Variants in MAML3 observed in about 807,000 individuals in gnomAD.
MAML3 encodes the protein mastermind-like protein 3.
A neutral mutation model predicts 101.9 loss-of-function variants in MAML3; 27 were observed. The observed-to-expected ratio is 0.27, with a 90% CI of 0.20 to 0.37. The LOEUF (loss-of-function observed/expected upper bound fraction) is 0.37. Ranked by LOEUF, MAML3 falls within the 10% of genes least tolerant of loss-of-function variation. The pLI is 1.00. For synonymous variants in MAML3, 501 were observed against 555.9 expected (o/e 0.90, Z 1.39); for missense variants, 1,316 against 1,444.9 (o/e 0.91, Z 1.45).
chr4:139,981,279 C>G lies in MAML3; in HGVS notation c.469-90312G>C, dbSNP rs530815396. 2.0e-4 allele frequency among the ~76,000 whole-genome samples: 30 copies of G among 152,320 alleles called. No individual in the cohort carries two copies. The South Asian group carries it at 4.3e-3, about 22-fold the overall frequency. The stretch of plus-strand genomic sequence containing the variant: ...CTTTTAAGGACACCAGACATATTGG[C>G]TTAGCGCCCTACCCCAATGGCCTCA... On this transcript the variant is annotated intron_variant, in intron 1 of 4. Coordinates refer to ENST00000509479, the MANE Select transcript of MAML3 (RefSeq NM_018717.5).
chr4:139,719,041 C>T lies in MAML3; in HGVS notation c.*282G>A, dbSNP rs1728111382. The T allele has an allele frequency of 2.5e-6, 1 of 401,622 alleles. No homozygotes were observed. Among genetic ancestry groups the T allele is most frequent in the Non-Finnish European group, 4.4e-6 (1 of 224,864 alleles). The allele number at this position is 401,622 out of a possible 1,614,324, so 24.9% of individuals were successfully genotyped here. A position where few individuals can be genotyped will look rare whatever the true frequency, so the allele number is the denominator to read the frequency against. On this transcript the variant is annotated 3_prime_UTR_variant, in exon 5 of 5. Coordinates refer to ENST00000509479, the MANE Select transcript of MAML3 (RefSeq NM_018717.5). The stretch of plus-strand genomic sequence containing the variant: ...TCACAGGGCATGCTGGGCAGAGGGG[C>T]TCTGGCCGGCTTCATCTTCCCACCT...
chr4:139,753,347 TC>T (rs1729562584), intron 2 of MAML3, among the ~76,000 whole-genome samples: 2 of 149,748 alleles, frequency 1.3e-5, no homozygotes, highest in African/African-American at 5.0e-5. Flanking sequence ...TTTTAATCTA[TC>T]TATCTATCTA....
At chr4:140,087,716 T>TATA (rs1727975939) in intron 1 of MAML3, among the ~76,000 whole-genome samples, 1 of 152,222 alleles carries the variant, frequency 6.6e-6, no homozygotes, top group Non-Finnish European at 1.5e-5. Context: ...GGGTGTGTAC[T>TATA]TTTCAGGGTG....
At chr4:140,103,155 A>T (rs1728280562) in intron 1 of MAML3, among the ~76,000 whole-genome samples, 3 of 152,222 alleles carry the variant, frequency 2.0e-5, no homozygotes, top group Admixed American at 2.0e-4. Context: ...TTTTTGCAAA[A>T]TTACAAGATA....
chr4:139,790,352 T>C (rs1730386569), intron 2 of MAML3, among the ~76,000 whole-genome samples: 1 of 150,440 alleles, frequency 6.6e-6, no homozygotes, highest in African/African-American at 2.4e-5. Flanking sequence ...TTTCTTTTTT[T>C]GCTTTATGTA....
intron 1 of MAML3, among the ~76,000 whole-genome samples, chr4:139,965,965 A>C (rs1643910839): frequency 1.3e-5 from 2 of 152,194 alleles, no homozygotes; most frequent in South Asian, 4.1e-4. Context: ...GTGAAAAACT[A>C]TCTGGCCAAG....
intron 1 of MAML3, among the ~76,000 whole-genome samples, chr4:139,939,764 C>CTTT (rs1233151703): frequency 9.0e-5 from 12 of 133,432 alleles, no homozygotes; most frequent in Non-Finnish European, 1.1e-4. Flanking sequence ...CAGGCACTTG[C>CTTT]TTTTTTTTTT....
chr4:139,845,190 G>A lies in MAML3; in HGVS notation c.2079+44167C>T, dbSNP rs188292966. Among the ~76,000 whole-genome samples, 123 of 152,302 alleles carry A rather than the reference G, an allele frequency of 8.1e-4. 1 individual carries two copies. Among genetic ancestry groups the A allele is most frequent in the African/African-American group, 2.7e-3 (111 of 41,570 alleles). ...TGTGGGGAATCAGAAATGGCATGTT[G>A]TCCTACAGAGAGGTCACACCAAAGA... On this transcript the variant is annotated intron_variant, in intron 2 of 4. Transcript: ENST00000509479.
intron 1 of MAML3, among the ~76,000 whole-genome samples, chr4:140,094,657 G>A (rs1728122507): frequency 6.6e-6 from 1 of 152,198 alleles, no homozygotes; most frequent in South Asian, 2.1e-4. Context: ...GGTGGCCAAC[G>A]TGAACTTCCT....
chr4:140,081,504 A>T (rs1727861375), intron 1 of MAML3, among the ~76,000 whole-genome samples: 1 of 152,224 alleles, frequency 6.6e-6, no homozygotes, highest in African/African-American at 2.4e-5. Flanking sequence ...CAATAACATA[A>T]ATGCAAAATT....
rs190715380 is a variant in MAML3, at chr4:139,800,022, G to T, written c.2080-69355C>A. Among the ~76,000 whole-genome samples, 5 of 152,162 alleles carry T rather than the reference G, an allele frequency of 3.3e-5. No homozygotes were observed. In the East Asian group the frequency reaches 7.7e-4, roughly 23 times the overall value. ...TCTTTGCATGAAACAAAACTGTACT[G>T]CAAGGGATTGTATTTATTCTTCCAC... On this transcript the variant is annotated intron_variant, in intron 2 of 4. Transcript: ENST00000509479.
chr4:139,977,116 G>T (rs1734353874), intron 1 of MAML3, among the ~76,000 whole-genome samples: 1 of 152,150 alleles, frequency 6.6e-6, no homozygotes, highest in South Asian at 2.1e-4. Flanking sequence ...CATGCAGCAA[G>T]AAGGCACCAT....
intron 1 of MAML3, among the ~76,000 whole-genome samples, chr4:140,082,766 CTG>C (rs1295702596): frequency 6.6e-6 from 1 of 150,556 alleles, no homozygotes; most frequent in Non-Finnish European, 1.5e-5. Context: ...TTTAAATAAA[CTG>C]TATTAGGAGC....
At chr4:140,044,052 C>T (rs1451782884) in intron 1 of MAML3, among the ~76,000 whole-genome samples, 2 of 151,006 alleles carry the variant, frequency 1.3e-5, no homozygotes, top group African/African-American at 4.9e-5. Flanking sequence ...ATAAACAAGA[C>T]AAATGGGTAA....
At chr4:139,854,234 A>T (rs182643486) in intron 2 of MAML3, among the ~76,000 whole-genome samples, 14 of 152,116 alleles carry the variant, frequency 9.2e-5, no homozygotes, top group Admixed American at 8.5e-4. Flanking sequence ...CTTTCAGTTC[A>T]GTGCCTGGCA....
At position 139,890,905 on chromosome 4, in the gene MAML3, C is replaced by A. The variant is rs1210615115; in HGVS notation, c.531G>T (p.Gln177His). ...AAAAATTCCCATCACAAGCACCATT[C>A]TGCTGGTCTCCATTAAGTGGTGATC... ...GARSPLNGDQ[Q>H]NGACDGNFSP... is the part of the protein sequence containing the mutation. The change falls in exon 2 of 5, where the codon CAG becomes CAT. Residue 177 changes from glutamine (Q) to histidine (H), a missense_variant. Physicochemically the swap from Gln to His is conservative, Grantham distance 24. Transcript: ENST00000509479. This position sits in a 1 kb window ranked among gnomAD's most constrained non-coding sequence, Gnocchi z 4.1. 6.2e-7 allele frequency: 1 copy of A among 1,613,624 alleles called. No individual in the cohort carries two copies. Among genetic ancestry groups the A allele is most frequent in the Non-Finnish European group, 8.5e-7 (1 of 1,179,682 alleles).
At chr4:140,143,835 T>C (rs1729014387) in intron 1 of MAML3, among the ~76,000 whole-genome samples, 1 of 152,142 alleles carries the variant, frequency 6.6e-6, no homozygotes, top group Admixed American at 6.5e-5. Flanking sequence ...CAGAACATCA[T>C]ACCACGTGGC....
chr4:139,943,864 CTTTTTTTTT>C (rs10644498), intron 1 of MAML3, among the ~76,000 whole-genome samples: 18 of 65,864 alleles, frequency 2.7e-4, no homozygotes, highest in African/African-American at 7.6e-4. Flanking sequence ...CTAAAGACAA[CTTTTTTTTT>C]TTTTTTTTTT....
At chr4:139,887,292 A>G (rs1732364066) in intron 2 of MAML3, among the ~76,000 whole-genome samples, 1 of 152,254 alleles carries the variant, frequency 6.6e-6, no homozygotes, top group South Asian at 2.1e-4. Context: ...ATATTTCATT[A>G]AAAAGCACGC....
Sources: gnomAD v4.1 joint callset for allele counts (sites outside exome capture counted in the v4.1 genomes callset) on GRCh38, gnomAD v4.1.1 for gene constraint, Gnocchi (gnomAD v3.1) non-coding constraint, MANE v1.5 for transcripts, NCBI Gene and HGNC (gene_info 2026-07-23, HGNC 2026-07-21) for gene names.